The following CDK14 variants were observed in gnomAD, a reference collection of about 807,000 sequenced individuals.
The protein encoded by CDK14 is cyclin-dependent kinase 14.
A neutral mutation model predicts 60.7 loss-of-function variants in CDK14; 34 were observed. That is an observed-to-expected ratio of 0.56 (90% CI 0.43 to 0.75). CDK14 has a LOEUF of 0.75. CDK14 is among the 30% of genes least tolerant of loss of function. The pLI is 0.00. For synonymous variants in CDK14, 197 were observed against 203.7 expected (o/e 0.97, Z 0.28); for missense variants, 482 against 564.1 (o/e 0.85, Z 1.47).
At chr7:91,125,043 G>A (rs1447767080) in intron 14 of CDK14, among the ~76,000 whole-genome samples, 2 of 152,122 alleles carry the variant, frequency 1.3e-5, no homozygotes, top group Non-Finnish European at 2.9e-5. Context: ...ATAAAAGGAG[G>A]CTGTTTGAGT....
At chr7:91,030,763 A>C (rs1796738133) in intron 10 of CDK14, among the ~76,000 whole-genome samples, 1 of 152,130 alleles carries the variant, frequency 6.6e-6, no homozygotes, top group Non-Finnish European at 1.5e-5. Context: ...CTTCCACTAG[A>C]GTTCTTGTCA....
chr7:91,055,734 T>C (rs1797528750), intron 11 of CDK14, among the ~76,000 whole-genome samples: 1 of 152,194 alleles, frequency 6.6e-6, no homozygotes, highest in Non-Finnish European at 1.5e-5. Context: ...CCAATTTGTA[T>C]AATTTGGTTA....
chr7:91,108,119 C>G (rs1030331449), intron 12 of CDK14, among the ~76,000 whole-genome samples: 4 of 152,156 alleles, frequency 2.6e-5, no homozygotes, highest in African/African-American at 9.7e-5. Flanking sequence ...ACCAACCTGG[C>G]CAACATGGTG....
chr7:90,769,470 C>CT (rs10647062), intron 4 of CDK14, among the ~76,000 whole-genome samples: 62,010 of 144,012 alleles, frequency 0.43, 14,415 homozygotes, highest in East Asian at 0.81. Flanking sequence ...TTTCTCTTTT[C>CT]TTTCTTTTTT....
intron 5 of CDK14, among the ~76,000 whole-genome samples, chr7:90,823,470 A>G (rs529204347): frequency 6.6e-6 from 1 of 152,350 alleles, no homozygotes; most frequent in Admixed American, 6.5e-5. Context: ...ATTTGGATGT[A>G]CTTTCTCGTG....
chr7:91,163,610 C>G (rs1443316295), intron 14 of CDK14, among the ~76,000 whole-genome samples: 1 of 152,064 alleles, frequency 6.6e-6, no homozygotes, highest in Non-Finnish European at 1.5e-5. Flanking sequence ...CCGTTTTTTG[C>G]ATTGGAAATT....
chr7:90,842,423 G>T (rs893578718), intron 5 of CDK14, among the ~76,000 whole-genome samples: 2 of 152,172 alleles, frequency 1.3e-5, no homozygotes, highest in Non-Finnish European at 2.9e-5. Flanking sequence ...GTGAGAATGT[G>T]CACCAGAAAG....
intron 6 of CDK14, among the ~76,000 whole-genome samples, chr7:90,884,323 AT>A: frequency 6.6e-6 from 1 of 152,228 alleles, no homozygotes; most frequent in South Asian, 2.1e-4. Context: ...ATGAATGAAC[AT>A]TCATTCACAA....
chr7:91,190,538 G>C (rs1186477090), intron 14 of CDK14, among the ~76,000 whole-genome samples: 1 of 152,202 alleles, frequency 6.6e-6, no homozygotes, highest in Non-Finnish European at 1.5e-5. Flanking sequence ...CACCCAGGCT[G>C]GGGTGCAGTG....
At chr7:91,153,686 C>T (rs977496320) in intron 14 of CDK14, among the ~76,000 whole-genome samples, 1 of 151,992 alleles carries the variant, frequency 6.6e-6, no homozygotes, top group African/African-American at 2.4e-5. Context: ...GTGATGAGAA[C>T]ACATGGACAC....
chr7:90,899,482 G>A, intron 7 of CDK14, 129 bp downstream of exon 7: 1 of 534,642 alleles, frequency 1.9e-6, no homozygotes, highest in Non-Finnish European at 3.1e-6. Flanking sequence ...GGGATATTGA[G>A]GTGAACCAGT....
At chr7:90,827,507 A>C (rs1383820464) in intron 5 of CDK14, among the ~76,000 whole-genome samples, 12 of 152,224 alleles carry the variant, frequency 7.9e-5, no homozygotes, top group Non-Finnish European at 7.3e-5. Context: ...GACACTGAGT[A>C]TATAGATGAA....
rs567142260 is a variant in CDK14 at position 91,060,988 on chromosome 7, G to A, written c.1105+15028G>A. 1.5e-3 allele frequency among the ~76,000 whole-genome samples: 233 copies of A among 152,250 alleles called. 4 individuals carry two copies. The East Asian group carries it at 0.038, about 25-fold the overall frequency. On this transcript the variant is annotated intron_variant, in intron 11 of 14. Coordinates refer to ENST00000380050, the MANE Select transcript of CDK14 (RefSeq NM_001287135.2). The stretch of plus-strand genomic sequence containing the variant: ...GAAGTTCTCCTGGATAATATCCTGA[G>A]GAGTGTTTTCCAACTTGGTTCCATT...
At chr7:90,875,722 C>T (rs1011617062) in intron 6 of CDK14, among the ~76,000 whole-genome samples, 2 of 151,992 alleles carry the variant, frequency 1.3e-5, no homozygotes, top group Non-Finnish European at 2.9e-5. Context: ...TGTTGGACCT[C>T]CTGGATTGTT....
intron 12 of CDK14, among the ~76,000 whole-genome samples, chr7:91,108,773 C>G (rs1210483392): frequency 1.3e-5 from 2 of 152,148 alleles, no homozygotes; most frequent in African/African-American, 4.8e-5. Flanking sequence ...TTGAAAATCA[C>G]AAACCTCTGG....
intron 4 of CDK14, among the ~76,000 whole-genome samples, chr7:90,770,760 C>G (rs1287161105): frequency 6.6e-6 from 1 of 152,186 alleles, no homozygotes; most frequent in African/African-American, 2.4e-5. Flanking sequence ...ACTTGTGTCT[C>G]CTTTTGACAT....
chr7:90,951,962 G>T (rs1414082814), intron 8 of CDK14, among the ~76,000 whole-genome samples: 1 of 152,040 alleles, frequency 6.6e-6, no homozygotes, highest in Non-Finnish European at 1.5e-5. Flanking sequence ...TCAAAATAAG[G>T]CCCAGTGACC....
At chr7:90,972,998 A>G (rs897343986) in intron 9 of CDK14, among the ~76,000 whole-genome samples, 1 of 152,226 alleles carries the variant, frequency 6.6e-6, no homozygotes, top group Non-Finnish European at 1.5e-5. Context: ...GCACTGCTTC[A>G]AGTACTTTTT....
At chr7:90,822,812 G>T (rs116161154) in intron 5 of CDK14, among the ~76,000 whole-genome samples, 2,621 of 152,278 alleles carry the variant, frequency 0.017, 69 homozygotes, top group African/African-American at 0.059. Flanking sequence ...GTAACTCGTG[G>T]AAGGGGCAGT....
Sources: allele counts gnomAD v4.1 joint callset (sites outside exome capture counted in the v4.1 genomes callset), GRCh38; gene constraint gnomAD v4.1.1; transcripts MANE v1.5; gene names NCBI Gene and HGNC (gene_info 2026-07-23, HGNC 2026-07-21).